The following NOVA1 variants were observed in gnomAD, a reference collection of about 807,000 sequenced individuals.
NOVA1 encodes the protein RNA-binding protein Nova-1.
Under a neutral mutation model 38.0 loss-of-function variants are expected in NOVA1, and 7 were observed. The observed-to-expected ratio is 0.18, with a 90% CI of 0.10 to 0.35. The LOEUF is 0.35. Ranked by LOEUF, NOVA1 falls within the 10% of genes least tolerant of loss-of-function variation. NOVA1 has a pLI of 1.00. For synonymous variants in NOVA1, 270 were observed against 232.5 expected (o/e 1.16, Z -1.47); for missense variants, 460 against 616.0 (o/e 0.75, Z 2.68).
chr14:26,506,413 G>C lies in NOVA1; in HGVS notation c.281-26270C>G, dbSNP rs138613133. On this transcript the variant is annotated intron_variant, in intron 2 of 4. Transcript: ENST00000539517. ...AACTTGGGGAACAGATTTGCTTCAG[G>C]AAGCTCAAAATCTTTTCATGCTTAG... Among the ~76,000 whole-genome samples, 640 of 152,268 alleles carry C rather than the reference G, an allele frequency of 4.2e-3. 4 individuals carry two copies. Among genetic ancestry groups the C allele is most frequent in the African/African-American group, 0.015 (607 of 41,564 alleles).
chr14:26,473,517 A>G (rs1172511159), intron 3 of NOVA1, among the ~76,000 whole-genome samples: 1 of 152,006 alleles, frequency 6.6e-6, no homozygotes, highest in Non-Finnish European at 1.5e-5. Context: ...TTAAAGGTTC[A>G]GCAGTGTCAG....
intron 2 of NOVA1, among the ~76,000 whole-genome samples, chr14:26,577,071 T>C (rs1350198930): frequency 1.3e-5 from 2 of 152,060 alleles, no homozygotes; most frequent in Non-Finnish European, 2.9e-5. Context: ...TCTACATTTT[T>C]CTAGATTCCA....
intron 2 of NOVA1, among the ~76,000 whole-genome samples, chr14:26,567,256 T>C (rs183005142): frequency 6.6e-6 from 1 of 151,920 alleles, no homozygotes; most frequent in Admixed American, 6.6e-5. Context: ...TTCTGTTATA[T>C]GTATTATCCT....
At chr14:26,453,181 T>TATGC (rs1882854734) in intron 4 of NOVA1, among the ~76,000 whole-genome samples, 1 of 50,236 alleles carries the variant, frequency 2.0e-5, no homozygotes, top group East Asian at 1.4e-3. Flanking sequence ...TGTATGTATG[T>TATGC]ATGTATGTAT....
At chr14:26,462,805 AT>A (rs781698953) in intron 4 of NOVA1, among the ~76,000 whole-genome samples, 5 of 152,108 alleles carry the variant, frequency 3.3e-5, no homozygotes, top group Admixed American at 2.6e-4. Context: ...AAGACAACCA[AT>A]TTTCCACTTG....
intron 4 of NOVA1, among the ~76,000 whole-genome samples, chr14:26,452,097 T>A (rs1882729525): frequency 6.6e-6 from 1 of 152,214 alleles, no homozygotes; most frequent in African/African-American, 2.4e-5. Context: ...CAAAATTTAA[T>A]AAAAGTAAAT....
rs1894276076 is a variant in NOVA1 at position 26,597,500 on chromosome 14, CTTTTTTCTT to C, written c.-73_-65del. 2 of 850,750 alleles carry C rather than the reference CTTTTTTCTT, an allele frequency of 2.4e-6. No individual in the cohort carries two copies. Among genetic ancestry groups the C allele is most frequent in the Non-Finnish European group, 2.8e-6 (2 of 702,818 alleles). 52.7% of individuals were successfully genotyped at this position (850,750 alleles called of 1,614,324 possible). A position where few individuals can be genotyped will look rare whatever the true frequency, so the allele number is the denominator to read the frequency against. On this transcript the variant is annotated 5_prime_UTR_variant, in exon 1 of 5. Transcript: ENST00000539517. ...CCCTTTTGTTTTGGCTTTTTCTTTT[CTTTTTTCTT>C]TTTTTTTTTTTTTTTTTTTTGCGTT... is the stretch of plus-strand genomic sequence containing the variant.
At chr14:26,584,233 C>T (rs1212114571) in intron 2 of NOVA1, among the ~76,000 whole-genome samples, 6 of 151,272 alleles carry the variant, frequency 4.0e-5, no homozygotes, top group African/African-American at 1.4e-4. Context: ...TTCTAGTTGC[C>T]CCATCTTTCC....
intron 2 of NOVA1, among the ~76,000 whole-genome samples, chr14:26,572,892 TTATG>T (rs1892579689): frequency 6.6e-6 from 1 of 152,106 alleles, no homozygotes; most frequent in African/African-American, 2.4e-5. Context: ...CAGAAAGACT[TTATG>T]TAAGGTATAA....
At chr14:26,556,265 G>C (rs1029849298) in intron 2 of NOVA1, among the ~76,000 whole-genome samples, 10 of 152,048 alleles carry the variant, frequency 6.6e-5, no homozygotes, top group Admixed American at 6.6e-4. Flanking sequence ...TAGTAATCAA[G>C]ACAATGTGGT....
At chr14:26,504,021 A>T (rs1437032888) in intron 2 of NOVA1, among the ~76,000 whole-genome samples, 1 of 152,200 alleles carries the variant, frequency 6.6e-6, no homozygotes, top group Non-Finnish European at 1.5e-5. Flanking sequence ...TACTCAAAAT[A>T]TGACATTGTA....
chr14:26,564,189 C>T (rs754376288), intron 2 of NOVA1, among the ~76,000 whole-genome samples: 18 of 152,070 alleles, frequency 1.2e-4, no homozygotes, highest in Non-Finnish European at 2.5e-4. Context: ...CCTCATAGGG[C>T]CTGACGTACA....
chr14:26,459,298 G>A (rs1166401252), intron 4 of NOVA1, among the ~76,000 whole-genome samples: 2 of 151,830 alleles, frequency 1.3e-5, no homozygotes, highest in South Asian at 2.1e-4. Flanking sequence ...GATACATTTA[G>A]ATATACAAAT....
At chr14:26,494,505 G>C (rs1886605835) in intron 2 of NOVA1, among the ~76,000 whole-genome samples, 1 of 152,214 alleles carries the variant, frequency 6.6e-6, no homozygotes, top group Non-Finnish European at 1.5e-5. Flanking sequence ...AAGGCAAAAT[G>C]ACAGAGATAC....
intron 2 of NOVA1, among the ~76,000 whole-genome samples, chr14:26,584,709 C>T (rs1002160669): frequency 2.0e-5 from 3 of 151,336 alleles, no homozygotes; most frequent in Non-Finnish European, 3.0e-5. Context: ...AATGACTTTC[C>T]ACTTTTGTTC....
At chr14:26,513,895 G>C (rs1335601113) in intron 2 of NOVA1, among the ~76,000 whole-genome samples, 1 of 151,542 alleles carries the variant, frequency 6.6e-6, no homozygotes, top group African/African-American at 2.4e-5. Context: ...ACAATAGGTA[G>C]CATTTGCACA....
intron 2 of NOVA1, among the ~76,000 whole-genome samples, chr14:26,595,031 C>A (rs938788552): frequency 2.0e-5 from 3 of 152,212 alleles, no homozygotes; most frequent in South Asian, 4.1e-4. Context: ...TCCCTACCCC[C>A]CTCTTCTGAA....
intron 3 of NOVA1, among the ~76,000 whole-genome samples, chr14:26,474,169 CTAAGTATGTGTTAAA>C (rs1884799949): frequency 6.6e-6 from 1 of 151,962 alleles, no homozygotes; most frequent in Non-Finnish European, 1.5e-5. Flanking sequence ...AGTCTGGTGA[CTAAGTATGTGTTAAA>C]TCTAGAGATC....
At chr14:26,596,065 A>C (rs967754813) in intron 1 of NOVA1, 1 of 232,840 alleles carries the variant, frequency 4.3e-6, no homozygotes, top group African/African-American at 2.3e-5. Flanking sequence ...AAAGTCCGCA[A>C]AACAACCATT....
Sources: gnomAD v4.1 joint callset for allele counts (sites outside exome capture counted in the v4.1 genomes callset) on GRCh38, gnomAD v4.1.1 for gene constraint, MANE v1.5 for transcripts, NCBI Gene and HGNC (gene_info 2026-07-23, HGNC 2026-07-21) for gene names.